STN1: variants seen among roughly 807,000 people sequenced by gnomAD.
The protein encoded by STN1 is CST complex subunit STN1.
Under a neutral mutation model 45.5 loss-of-function variants are expected in STN1, and 29 were observed. The ratio of observed to expected loss-of-function variants is 0.64; its 90% CI spans 0.47 to 0.87. STN1 has a LOEUF of 0.87. Ranked by LOEUF, STN1 falls within the 40% of genes least tolerant of loss-of-function variation. STN1 has a pLI of 0.00. For synonymous variants in STN1, 148 were observed against 159.0 expected (o/e 0.93, Z 0.52); for missense variants, 376 against 441.4 (o/e 0.85, Z 1.33).
At chr10:103,899,798 CTACTA>C (rs1383387804) in intron 5 of STN1, among the ~76,000 whole-genome samples, 6 of 152,212 alleles carry the variant, frequency 3.9e-5, no homozygotes, top group Non-Finnish European at 8.8e-5. Context: ...TTTGGAAACT[CTACTA>C]TGTCATCCAA....
At chr10:103,908,435 G>A (rs896608871) in intron 3 of STN1, among the ~76,000 whole-genome samples, 2 of 152,156 alleles carry the variant, frequency 1.3e-5, no homozygotes, top group African/African-American at 2.4e-5. Context: ...TTTCAGCTGC[G>A]GGATGAGTCA....
At chr10:103,887,282 G>T (rs76208875) in intron 9 of STN1, among the ~76,000 whole-genome samples, 2 of 152,148 alleles carry the variant, frequency 1.3e-5, no homozygotes, top group East Asian at 3.8e-4. Flanking sequence ...GTATATCGTC[G>T]GCTAAACTTC....
intron 1 of STN1, 146 bp downstream of exon 1, chr10:103,917,953 TG>T: frequency 5.2e-6 from 1 of 192,392 alleles, no homozygotes. Flanking sequence ...AGAAACCGCT[TG>T]GGGTCCCGGG....
chr10:103,909,394 A>ATATG lies in STN1; in HGVS notation c.229+1129_229+1132dup, dbSNP rs1313540865. On this transcript the variant is annotated intron_variant, in intron 3 of 9. Coordinates refer to ENST00000224950, the MANE Select transcript of STN1 (RefSeq NM_024928.5). ...TATATATATATGTATATATATGTAT[A>ATATG]TATGTATATATATGTATATATGTAT... is the stretch of plus-strand genomic sequence containing the variant. Among the ~76,000 whole-genome samples the ATATG allele has an allele frequency of 9.0e-3, 637 of 70,394 alleles. 50 individuals are homozygous for ATATG. The highest frequency in any genetic ancestry group is 0.058 in the East Asian group (207 of 3,600). 46.2% of individuals were successfully genotyped at this position (70,394 alleles called of 152,430 possible).
rs1843066837 is a variant in STN1 at position 103,881,235 on chromosome 10, CCTT to C, written c.*1446_*1448del. Reference sequence around the variant, plus strand: ...TCCTTTCACACTTGTGTAGCCATCTCCTTGAGATAAACCCCTAAGAGCAGAGTT... The same window carrying C: ...TCCTTTCACACTTGTGTAGCCATCTCGAGATAAACCCCTAAGAGCAGAGTT... On this transcript the variant is annotated 3_prime_UTR_variant, in exon 10 of 10. Coordinates refer to ENST00000224950, the MANE Select transcript of STN1 (RefSeq NM_024928.5). Among the ~76,000 whole-genome samples, 1 of 152,190 alleles carries C rather than the reference CCTT, an allele frequency of 6.6e-6. No homozygotes were observed. The highest frequency in any genetic ancestry group is 1.5e-5 in the Non-Finnish European group (1 of 68,032).
At position 103,879,794 on chromosome 10, in the gene STN1, T is replaced by C. The variant is rs888384232; in HGVS notation, c.*2890A>G. ...GAGGAGGGTGAAGCAGTTAAGATTC[T>C]GGAGATATTCTGAAGGTAGAGCCAA... On this transcript the variant is annotated 3_prime_UTR_variant, in exon 10 of 10. Coordinates refer to ENST00000224950, the MANE Select transcript of STN1 (RefSeq NM_024928.5). The C allele has an allele frequency of 2.6e-5, 4 of 152,776 alleles. No individual in the cohort carries two copies. Among genetic ancestry groups the C allele is most frequent in the Admixed American group, 2.6e-4 (4 of 15,284 alleles). 9.5% of individuals were successfully genotyped at this position (152,776 alleles called of 1,614,324 possible). A position where few individuals can be genotyped will look rare whatever the true frequency, so the allele number is the denominator to read the frequency against.
At chr10:103,888,950 T>C (rs1843120534) in intron 9 of STN1, 122 bp downstream of exon 9, 4 of 688,290 alleles carry the variant, frequency 5.8e-6, no homozygotes, top group Non-Finnish European at 1.1e-5. Flanking sequence ...ACTTTGACTA[T>C]CACCTTTCCA....
intron 2 of STN1, among the ~76,000 whole-genome samples, chr10:103,913,839 C>T (rs1345219171): frequency 1.3e-5 from 2 of 151,850 alleles, no homozygotes; most frequent in Non-Finnish European, 2.9e-5. Context: ...CCCTTGTGTT[C>T]CTGCTGTTCC....
intron 5 of STN1, 148 bp downstream of exon 5, chr10:103,899,914 G>GA (rs1332369707): frequency 1.7e-6 from 1 of 587,450 alleles, no homozygotes; most frequent in Non-Finnish European, 2.9e-6. Flanking sequence ...ATTTTCTAAA[G>GA]AAAGCATGTT....
At chr10:103,892,738 T>C (rs1402434555) in intron 7 of STN1, among the ~76,000 whole-genome samples, 3 of 152,138 alleles carry the variant, frequency 2.0e-5, no homozygotes, top group Non-Finnish European at 4.4e-5. Context: ...CAACAGAGGC[T>C]GTGCAGAGAT....
intron 6 of STN1, 49 bp from the exon 7 acceptor site, chr10:103,897,768 T>C (rs755991313): frequency 5.0e-6 from 8 of 1,594,844 alleles, no homozygotes; most frequent in Middle Eastern, 1.7e-4. Context: ...ATCACCTTTG[T>C]TCCTTTTTGG....
At chr10:103,909,978 C>CA (rs1248830681) in intron 3 of STN1, among the ~76,000 whole-genome samples, 11 of 152,092 alleles carry the variant, frequency 7.2e-5, no homozygotes, top group African/African-American at 2.7e-4. Flanking sequence ...CTCTGGTGTC[C>CA]AAAATATAGA....
chr10:103,909,444 G>GTATATATGTATATATATGTGTGTA, intron 3 of STN1, among the ~76,000 whole-genome samples: 1 of 49,916 alleles, frequency 2.0e-5, no homozygotes. Flanking sequence ...GTATATATAT[G>GTATATATGTATATATATGTGTGTA]TATATATGTA....
At chr10:103,899,959 C>T (rs1238402331) in intron 5 of STN1, 103 bp downstream of exon 5, 29 of 992,050 alleles carry the variant, frequency 2.9e-5, no homozygotes, top group Non-Finnish European at 4.3e-5. Context: ...TAGAGTTATA[C>T]CTTAACTGAA....
chr10:103,913,457 A>T (rs1279144773), intron 2 of STN1, among the ~76,000 whole-genome samples: 1 of 152,204 alleles, frequency 6.6e-6, no homozygotes, highest in African/African-American at 2.4e-5. Flanking sequence ...CTGATGAAAA[A>T]AAAAAAATCT....
chr10:103,890,379 G>A (rs1221315633), intron 8 of STN1, among the ~76,000 whole-genome samples: 2 of 152,178 alleles, frequency 1.3e-5, no homozygotes, highest in African/African-American at 4.8e-5. Flanking sequence ...TTTCCCTGAG[G>A]CAGGGCTTCA....
intron 2 of STN1, among the ~76,000 whole-genome samples, chr10:103,915,942 T>G (rs964143732): frequency 2.0e-5 from 3 of 151,896 alleles, no homozygotes. Context: ...CCTAAAAGAA[T>G]GTAATGCCGC....
chr10:103,889,107 TG>T lies in STN1; in HGVS notation c.913del (p.His305ThrfsTer29). ...REDKDLHRKI[H>X]RIIQQDCQKP... ...CTGGCAGTCCTGCTGAATGATCCGG[TG>T]GATCTTTCTGTGCAGGTCTTTGTCT... is the stretch of plus-strand genomic sequence containing the variant. On this transcript the variant is annotated frameshift_variant, in exon 9 of 10. Transcript: ENST00000224950. LOFTEE classifies it high-confidence loss of function. 8 of 1,613,682 alleles carry T rather than the reference TG, an allele frequency of 5.0e-6. No individual in the cohort carries two copies. Among genetic ancestry groups the T allele is most frequent in the Non-Finnish European group, 6.8e-6 (8 of 1,179,614 alleles).
chr10:103,901,487 T>C (rs1038248960), intron 4 of STN1, among the ~76,000 whole-genome samples: 3 of 152,212 alleles, frequency 2.0e-5, no homozygotes, highest in African/African-American at 7.2e-5. Flanking sequence ...TCAGTTTACC[T>C]CCTACTAGCT....
Sources: gnomAD v4.1 joint callset for allele counts (sites outside exome capture counted in the v4.1 genomes callset) on GRCh38, gnomAD v4.1.1 for gene constraint, MANE v1.5 for transcripts, NCBI Gene and HGNC (gene_info 2026-07-23, HGNC 2026-07-21) for gene names.